RNLS: variants seen among roughly 807,000 people sequenced by gnomAD.
RNLS encodes renalase, FAD dependent amine oxidase.
RNLS carries 39 observed loss-of-function variants against 39.8 expected under a neutral mutation model. The observed-to-expected ratio is 0.98, with a 90% CI of 0.76 to 1.28. RNLS has a LOEUF of 1.28. Among genes scored for constraint, RNLS ranks in the 50% most tolerant of loss-of-function variants. RNLS has a pLI of 0.00. For missense variants in RNLS, 410 were observed against 413.3 expected (o/e 0.99, Z 0.07); for synonymous variants, 147 against 150.7 (o/e 0.98, Z 0.18).
chr10:88,466,092 A>C (rs1018378615), intron 4 of RNLS, among the ~76,000 whole-genome samples: 2 of 152,096 alleles, frequency 1.3e-5, no homozygotes, highest in African/African-American at 2.4e-5. Flanking sequence ...GAGGGAGAAA[A>C]GGACATTCAC....
At chr10:88,356,551 C>T (rs887665130) in intron 5 of RNLS, among the ~76,000 whole-genome samples, 8 of 152,120 alleles carry the variant, frequency 5.3e-5, no homozygotes, top group African/African-American at 1.9e-4. Flanking sequence ...AATAAATAGC[C>T]ATATGGAATA....
intron 5 of RNLS, among the ~76,000 whole-genome samples, chr10:88,326,232 G>C (rs1353437212): frequency 6.6e-6 from 1 of 152,180 alleles, no homozygotes; most frequent in Non-Finnish European, 1.5e-5. Flanking sequence ...GAACAGTTTA[G>C]AGGGCTCAGA....
intron 4 of RNLS, among the ~76,000 whole-genome samples, chr10:88,506,306 T>G (rs1341434060): frequency 2.6e-5 from 4 of 151,918 alleles, no homozygotes; most frequent in Admixed American, 2.0e-4. Context: ...AAAAAGAAAA[T>G]TAAAACTAAG....
intron 4 of RNLS, among the ~76,000 whole-genome samples, chr10:88,368,895 T>C (rs1850325966): frequency 2.0e-5 from 3 of 152,122 alleles, no homozygotes; most frequent in Admixed American, 2.0e-4. Context: ...AAAAGACCCA[T>C]TTCACTGTAT....
chr10:88,187,171 T>C, the RNLS span, among the ~76,000 whole-genome samples: 1 of 51,228 alleles, frequency 2.0e-5, no homozygotes, highest in Non-Finnish European at 3.7e-5. Flanking sequence ...ATATATAATA[T>C]ATATATAATA....
intron 4 of RNLS, among the ~76,000 whole-genome samples, chr10:88,509,034 C>G (rs566281092): frequency 1.3e-5 from 2 of 152,094 alleles, no homozygotes; most frequent in South Asian, 4.2e-4. Flanking sequence ...GGTTCATAAA[C>G]CCCTTCTAAG....
intron 5 of RNLS, among the ~76,000 whole-genome samples, chr10:88,341,665 T>C (rs567403183): frequency 3.4e-4 from 52 of 152,076 alleles, no homozygotes; most frequent in Non-Finnish European, 7.2e-4. Context: ...TAAAAATGAG[T>C]ATTTTGCTCT....
At position 88,334,731 on chromosome 10, in the gene RNLS, A is replaced by G. The variant is rs116192626; in HGVS notation, c.701-20090T>C. Reference sequence around the variant, plus strand: ...TTACATTTCTTTTTTTTCCCTTGAAATCATGATTTTATTGAGTTGAAGGCA... The same window carrying G: ...TTACATTTCTTTTTTTTCCCTTGAAGTCATGATTTTATTGAGTTGAAGGCA... On this transcript the variant is annotated intron_variant, in intron 5 of 6. Transcript: ENST00000331772. Among the ~76,000 whole-genome samples the G allele has an allele frequency of 4.8e-3, 726 of 152,224 alleles. 4 individuals carry two copies. The highest frequency in any genetic ancestry group is 0.017 in the African/African-American group (694 of 41,514).
intron 2 of RNLS, 87 bp downstream of exon 2, chr10:88,582,115 C>T: frequency 9.7e-7 from 1 of 1,034,238 alleles, no homozygotes; most frequent in African/African-American, 1.6e-5. Context: ...TTACTATGTT[C>T]CATTTATCAG....
In RNLS at chr10:88,496,519, A is replaced by T. The variant is rs77473279; in HGVS notation, c.526+76384T>A. 5.9e-3 allele frequency among the ~76,000 whole-genome samples: 891 copies of T among 152,240 alleles called. 9 individuals carry two copies. The highest frequency in any genetic ancestry group is 0.021 in the African/African-American group (870 of 41,562). On this transcript the variant is annotated intron_variant, in intron 4 of 6. Transcript: ENST00000331772. ...ATGAACTTGAACCAGAATTGGAGAA[A>T]GGGAGGCAGGATGCTCTTCAGAATT...
At chr10:88,318,533 G>A (rs1282466215) in intron 5 of RNLS, among the ~76,000 whole-genome samples, 2 of 152,184 alleles carry the variant, frequency 1.3e-5, no homozygotes, top group East Asian at 3.9e-4. Context: ...CGCTGAAAGT[G>A]AGCCCATGCT....
intron 4 of RNLS, among the ~76,000 whole-genome samples, chr10:88,383,385 C>CACTT (rs1209608547): frequency 1.3e-5 from 2 of 152,084 alleles, no homozygotes; most frequent in African/African-American, 4.8e-5. Context: ...GGCAAAACAG[C>CACTT]ACTTACAAGT....
intron 4 of RNLS, among the ~76,000 whole-genome samples, chr10:88,404,660 C>A (rs533005885): frequency 6.6e-6 from 1 of 152,036 alleles, no homozygotes; most frequent in South Asian, 2.1e-4. Flanking sequence ...GAGGAAGTAG[C>A]AAAATAATGC....
chr10:88,565,545 T>A (rs1426272970), intron 4 of RNLS, among the ~76,000 whole-genome samples: 1 of 151,894 alleles, frequency 6.6e-6, no homozygotes, highest in East Asian at 1.9e-4. Context: ...TCCATGGGGG[T>A]CCAATTCTGA....
At chr10:88,398,868 T>A (rs533631954) in intron 4 of RNLS, among the ~76,000 whole-genome samples, 3 of 152,100 alleles carry the variant, frequency 2.0e-5, no homozygotes, top group East Asian at 3.9e-4. Context: ...AATAGTAAAA[T>A]ATTTGCATAT....
Position 88,485,033 on chromosome 10 carries a change from C to T in RNLS, c.526+87870G>A, listed in dbSNP as rs141709180. ...GTCAGAAGGCTCAATATTGTTAAGA[C>T]GTTAATTGTATCCAAATTTATCTAC... On this transcript the variant is annotated intron_variant, in intron 4 of 6. Coordinates refer to ENST00000331772, the MANE Select transcript of RNLS (RefSeq NM_001031709.3). Among the ~76,000 whole-genome samples, 13 of 151,824 alleles carry T rather than the reference C, an allele frequency of 8.6e-5. No individual in the cohort carries two copies. The East Asian group carries it at 1.4e-3, about 16-fold the overall frequency.
intron 4 of RNLS, among the ~76,000 whole-genome samples, chr10:88,423,247 T>C (rs560508359): frequency 3.3e-5 from 5 of 152,186 alleles, no homozygotes; most frequent in Non-Finnish European, 5.9e-5. Flanking sequence ...AATGGCATGA[T>C]TAGGCTTGCT....
intron 4 of RNLS, among the ~76,000 whole-genome samples, chr10:88,441,797 T>C (rs1479807146): frequency 1.3e-5 from 2 of 152,204 alleles, no homozygotes; most frequent in East Asian, 1.9e-4. Flanking sequence ...AATGTTACCG[T>C]GTTTATTCTA....
intron 4 of RNLS, among the ~76,000 whole-genome samples, chr10:88,494,319 T>C (rs1397450490): frequency 1.3e-5 from 2 of 152,170 alleles, no homozygotes; most frequent in African/African-American, 4.8e-5. Flanking sequence ...GGAGTATTTG[T>C]TCACCTATCC....
Sources: gnomAD v4.1 joint callset for allele counts (sites outside exome capture counted in the v4.1 genomes callset) on GRCh38, gnomAD v4.1.1 for gene constraint, MANE v1.5 for transcripts, NCBI Gene and HGNC (gene_info 2026-07-23, HGNC 2026-07-21) for gene names.